The following ERCC5 variants were observed in gnomAD, a reference collection of about 807,000 sequenced individuals.
The protein encoded by ERCC5 is ERCC excision repair 5, endonuclease.
A neutral mutation model predicts 105.6 loss-of-function variants in ERCC5; 68 were observed. That is an observed-to-expected ratio of 0.64 (90% confidence interval 0.53 to 0.79). ERCC5 has a LOEUF of 0.79. ERCC5 is among the 30% of genes least tolerant of loss of function. The pLI, the probability that ERCC5 is intolerant of heterozygous loss-of-function variation, is 0.00. For missense variants in ERCC5, 1,373 were observed against 1,426.7 expected (o/e 0.96, Z 0.61); for synonymous variants, 546 against 526.2 (o/e 1.04, Z -0.51).
chr13:102,864,505 G>C (rs1376838768), intron 8 of ERCC5, among the ~76,000 whole-genome samples: 1 of 152,052 alleles, frequency 6.6e-6, no homozygotes, highest in Non-Finnish European at 1.5e-5. Context: ...ATCCAATACT[G>C]TCATAATTTA....
rs1180157198 is a variant in ERCC5 at position 102,875,598 on chromosome 13, G to A, written c.3256G>A (p.Gly1086Arg). ...SDSKGKNTCG[G>R]FLGETCLSES... is the part of the protein sequence containing the mutation. ...TTCTAAAGGAAAGAATACATGCGGT[G>A]GATTTTTGGGGGAGACCTGCCTCTC... The change falls in exon 15 of 15, where the codon GGA (glycine) becomes AGA (arginine). Residue 1086 changes from glycine to arginine, a missense_variant. Physicochemically the swap from Gly to Arg is moderately radical, Grantham distance 125. Transcript: ENST00000652225. The A allele has an allele frequency of 5.6e-6, 9 of 1,613,534 alleles. No homozygotes were observed. The highest frequency in any genetic ancestry group is 1.7e-5 in the Admixed American group (1 of 59,928).
Position 102,875,308 on chromosome 13 carries a change from C to T in ERCC5, c.2966C>T (p.Thr989Ile), listed in dbSNP as rs1883175101. The change falls in exon 15 of 15, where the codon ACA becomes ATA. Residue 989 changes from threonine (T) to isoleucine (I), a missense_variant and splice_region_variant. Thr to Ile is a moderately conservative substitution (Grantham distance 89). Around this residue, in one of 3 missense-constraint regions of ERCC5, gnomAD observed 367 missense variants for 350.2 expected, o/e 1.05. Transcript: ENST00000652225. Reference sequence around the variant, plus strand: ...ATTATTCTTTTGTTATTTTTTTAGACACAGCTCCGAATTGATTCCTTCTTT... The same window carrying T: ...ATTATTCTTTTGTTATTTTTTTAGATACAGCTCCGAATTGATTCCTTCTTT... ...PVLKQLDAQQ[T>I]QLRIDSFFRL... 2 of 1,613,474 alleles carry T rather than the reference C, an allele frequency of 1.2e-6. No individual in the cohort carries two copies. Among genetic ancestry groups the T allele is most frequent in the East Asian group, 4.5e-5 (2 of 44,860 alleles).
chr13:102,862,188 G>A lies in ERCC5; in HGVS notation c.1039G>A (p.Ala347Thr), dbSNP rs759962943. 2 of 1,614,174 alleles carry A rather than the reference G, an allele frequency of 1.2e-6. No homozygotes were observed. Among genetic ancestry groups the A allele is most frequent in the Admixed American group, 3.3e-5 (2 of 60,030 alleles). The change falls in exon 8 of 15, where the codon GCT becomes ACT. Residue 347 changes from alanine to threonine, a missense_variant. Physicochemically the swap from Ala to Thr is moderately conservative, Grantham distance 58. This residue lies in a region of ERCC5 where 1,004 missense variants were observed against 1,059.7 expected (regional missense o/e 0.95). Transcript: ENST00000652225. ...ATPPSPRTLL[A>T]MQAALLGSSS... ...CCCTCCTTCTCCAAGAACTTTACTAGCTATGCAAGCTGCCCTGCTGGGAAG... is the reference window on the plus strand; with the variant it reads ...CCCTCCTTCTCCAAGAACTTTACTAACTATGCAAGCTGCCCTGCTGGGAAG...
chr13:102,852,147 A>G lies in ERCC5; in HGVS notation c.118A>G (p.Lys40Glu), dbSNP rs1384929710. Reference protein sequence around the residue: ...DISIWLNQALKGVRDRHGNSI... With the variant: ...DISIWLNQALEGVRDRHGNSI... ...TAGCATTTGGTTAAACCAAGCACTT[A>G]AAGGAGTCCGGGATCGCCATGGGAA... Residue 40 changes from lysine (K) to glutamate (E), a missense_variant, in exon 2 of 15, where the codon AAA becomes GAA. Transcript: ENST00000652225. 4 of 1,614,046 alleles carry G rather than the reference A, an allele frequency of 2.5e-6. No individual in the cohort carries two copies. The African/African-American group carries it at 5.3e-5, about 22-fold the overall frequency.
chr13:102,874,573 G>T (rs753379627), intron 14 of ERCC5, among the ~76,000 whole-genome samples: 1 of 152,102 alleles, frequency 6.6e-6, no homozygotes, highest in Non-Finnish European at 1.5e-5. Context: ...CCAGGCTGGA[G>T]TGCAGTGGTG....
intron 14 of ERCC5, among the ~76,000 whole-genome samples, chr13:102,874,371 C>T (rs1483090752): frequency 2.0e-5 from 3 of 152,080 alleles, no homozygotes; most frequent in Non-Finnish European, 4.4e-5. Flanking sequence ...AGCATATTTT[C>T]TTCTATGTAT....
intron 3 of ERCC5, 104 bp from the exon 4 acceptor site, chr13:102,854,184 A>G (rs1016338348): frequency 4.1e-6 from 5 of 1,233,514 alleles, no homozygotes; most frequent in African/African-American, 3.0e-5. Flanking sequence ...TCTCGGCTGC[A>G]TTTATTTTCC....
At chr13:102,866,579 A>G in intron 10 of ERCC5, 53 bp from the exon 11 acceptor site, 5 of 1,609,292 alleles carry the variant, frequency 3.1e-6, no homozygotes, top group East Asian at 2.2e-5. Flanking sequence ...CCCTGTGCTC[A>G]GGGCCTGGCG....
chr13:102,853,727 A>G, intron 2 of ERCC5, 30 bp from the exon 3 acceptor site: 1 of 1,602,660 alleles, frequency 6.2e-7, no homozygotes, highest in Non-Finnish European at 8.5e-7. Context: ...AATATCCTGA[A>G]GTGAGATCTT....
At chr13:102,870,376 C>G (rs1164797358) in intron 12 of ERCC5, among the ~76,000 whole-genome samples, 3 of 152,142 alleles carry the variant, frequency 2.0e-5, no homozygotes, top group Non-Finnish European at 4.4e-5. Flanking sequence ...AACAGCAGTT[C>G]CCCTCCCCTA....
At chr13:102,872,680 C>G (rs763444271) in intron 13 of ERCC5, among the ~76,000 whole-genome samples, 1 of 152,154 alleles carries the variant, frequency 6.6e-6, no homozygotes, top group Non-Finnish European at 1.5e-5. Context: ...TCAAGGAATC[C>G]TCCTGCCTCA....
intron 5 of ERCC5, among the ~76,000 whole-genome samples, chr13:102,856,439 A>G (rs544488411): frequency 6.6e-6 from 1 of 152,242 alleles, no homozygotes; most frequent in Non-Finnish European, 1.5e-5. Context: ...ATAACTTGTA[A>G]TAACAGTTTG....
intron 4 of ERCC5, among the ~76,000 whole-genome samples, 168 bp downstream of exon 4, chr13:102,854,542 T>A (rs1227524576): frequency 6.6e-6 from 1 of 152,256 alleles, no homozygotes; most frequent in Non-Finnish European, 1.5e-5. Context: ...AAATTTTTTA[T>A]TTACTATTCT....
rs375907005 is a variant in ERCC5, at chr13:102,862,472, G to T, written c.1323G>T (p.Pro441=). Reference sequence around the variant, plus strand: ...AAGTGAGAGATGGAAAAGGAATACCGTTTACTGCAACACTTGCGTCATCTA... The same window carrying T: ...AAGTGAGAGATGGAAAAGGAATACCTTTTACTGCAACACTTGCGTCATCTA... ...GLKVRDGKGI[P]FTATLASSSV... is the part of the protein sequence containing the mutation. The change falls in exon 8 of 15, where the codon CCG becomes CCT. Residue 441 remains proline (P), a synonymous_variant. Coordinates refer to ENST00000652225, the MANE Select transcript of ERCC5 (RefSeq NM_000123.4). The T allele has an allele frequency of 9.9e-6, 16 of 1,614,074 alleles. 1 individual carries two copies. The South Asian group carries it at 1.8e-4, about 18-fold the overall frequency.
intron 1 of ERCC5, among the ~76,000 whole-genome samples, chr13:102,848,497 G>A (rs994463456): frequency 1.3e-4 from 20 of 152,224 alleles, no homozygotes; most frequent in African/African-American, 4.3e-4. Context: ...TGTAATATGC[G>A]TTTAAGTGTA....
In ERCC5 at chr13:102,866,917, C is replaced by G. The variant is rs1360694474; in HGVS notation, c.2533+72C>G. ...GAGTTTGTCCTAGGAAGTTTTCTTTCCAAGGAACTAGTTTGATGCATTGAT... is the reference window on the plus strand; with the variant it reads ...GAGTTTGTCCTAGGAAGTTTTCTTTGCAAGGAACTAGTTTGATGCATTGAT... On this transcript the variant is annotated intron_variant, in intron 11 of 14. Coordinates refer to ENST00000652225, the MANE Select transcript of ERCC5 (RefSeq NM_000123.4). The G allele has an allele frequency of 3.3e-6, 5 of 1,517,792 alleles. No individual in the cohort carries two copies. The Admixed American group carries it at 6.0e-5, about 18-fold the overall frequency. 94.0% of individuals were successfully genotyped at this position (1,517,792 alleles called of 1,614,324 possible). A position where few individuals can be genotyped will look rare whatever the true frequency, so the allele number is the denominator to read the frequency against.
At position 102,875,455 on chromosome 13, in the gene ERCC5, C is replaced by G. The variant is rs1484237190; in HGVS notation, c.3113C>G (p.Ser1038Cys). ...EAAASEIEAVSVAMEKEFELL... is the reference protein window; with the variant it reads ...EAAASEIEAVCVAMEKEFELL... ...GCAGCCAGCGAAATAGAAGCAGTTT[C>G]TGTTGCCATGGAGAAAGAATTTGAG... is the stretch of plus-strand genomic sequence containing the variant. Residue 1038 changes from serine to cysteine, a missense_variant, in exon 15 of 15, where the codon TCT becomes TGT. Ser to Cys is a moderately radical substitution (Grantham distance 112). Around this residue, in one of 3 missense-constraint regions of ERCC5, gnomAD observed 367 missense variants for 350.2 expected, o/e 1.05. Transcript: ENST00000652225. 6.2e-7 allele frequency: 1 copy of G among 1,614,156 alleles called. No individual in the cohort carries two copies.
intron 14 of ERCC5, among the ~76,000 whole-genome samples, chr13:102,874,037 ATTTCTATGAG>A (rs1405668161): frequency 6.6e-6 from 1 of 152,204 alleles, no homozygotes; most frequent in African/African-American, 2.4e-5. Context: ...CTAAGACAGC[ATTTCTATGAG>A]TTTCTCTTTG....
intron 5 of ERCC5, among the ~76,000 whole-genome samples, chr13:102,856,847 CTG>C (rs754314634): frequency 4.6e-5 from 7 of 152,240 alleles, no homozygotes. Flanking sequence ...AGCATGATGA[CTG>C]TATTCCCAGT....
Sources: allele counts gnomAD v4.1 joint callset (sites outside exome capture counted in the v4.1 genomes callset), GRCh38; gene constraint gnomAD v4.1.1; regional missense constraint gnomAD v4.1.1; transcripts MANE v1.5; gene names NCBI Gene and HGNC (gene_info 2026-07-23, HGNC 2026-07-21).